The following FGF12 variants were observed in gnomAD, a reference collection of about 807,000 sequenced individuals.
FGF12 encodes fibroblast growth factor 12.
In FGF12, 14 loss-of-function variants were observed where a neutral mutation model predicts 23.6. The observed-to-expected ratio is 0.59, with a 90% CI of 0.39 to 0.93. The LOEUF is 0.93. FGF12 is among the 40% of genes least tolerant of loss of function. The pLI is 0.00. For synonymous variants in FGF12, 62 were observed against 77.3 expected, an observed-to-expected ratio of 0.80 and a Z score of 1.04; for missense variants, 175 against 217.8, an observed-to-expected ratio of 0.80 and a Z score of 1.24.
At chr3:192,424,818 C>A (rs1186250962) in intron 2 of FGF12, among the ~76,000 whole-genome samples, 1 of 152,048 alleles carries the variant, frequency 6.6e-6, no homozygotes, top group South Asian at 2.1e-4. Flanking sequence ...TCTTTGTTTA[C>A]CTATAATAAA....
In FGF12 at chr3:192,409,894, G is replaced by A. The variant is rs1370383233; in HGVS notation, c.14-49356C>T. Among the ~76,000 whole-genome samples the A allele has an allele frequency of 6.6e-6, 1 of 151,796 alleles. No individual in the cohort carries two copies. Among genetic ancestry groups the A allele is most frequent in the African/African-American group, 2.4e-5 (1 of 41,386 alleles). ...TGGCCGCTCAGAGCCGCGGGCTTGC[G>A]GGGCGCCCCCCGCCGCCGCGCCGCC... is the stretch of plus-strand genomic sequence containing the variant. On this transcript the variant is annotated intron_variant, in intron 2 of 5. Coordinates refer to ENST00000445105, the MANE Select transcript of FGF12 (RefSeq NM_004113.6). This position sits in a 1 kb window ranked among gnomAD's most constrained non-coding sequence, Gnocchi z 4.8.
chr3:192,447,532 C>A (rs1722390799), intron 2 of FGF12, among the ~76,000 whole-genome samples: 1 of 152,116 alleles, frequency 6.6e-6, no homozygotes, highest in African/African-American at 2.4e-5. Context: ...TTTTTTTCTA[C>A]AAATTTTCTA....
At chr3:192,147,496 T>C (rs1383425643) in intron 5 of FGF12, among the ~76,000 whole-genome samples, 1 of 152,186 alleles carries the variant, frequency 6.6e-6, no homozygotes, top group Non-Finnish European at 1.5e-5. Flanking sequence ...GCGTAAGTGT[T>C]CTCTAAAGTG....
intron 4 of FGF12, among the ~76,000 whole-genome samples, chr3:192,323,807 G>A (rs765843782): frequency 2.0e-5 from 3 of 152,050 alleles, no homozygotes; most frequent in Non-Finnish European, 4.4e-5. Context: ...AATATCTCAT[G>A]TGGCAGGGCA....
chr3:192,527,385 G>A (rs1724970201), intron 2 of FGF12, among the ~76,000 whole-genome samples: 1 of 152,162 alleles, frequency 6.6e-6, no homozygotes, highest in Non-Finnish European at 1.5e-5. Flanking sequence ...ACAAAGACCT[G>A]GGAGAAGAGG....
chr3:192,353,366 C>CTT (rs34992097), intron 3 of FGF12, among the ~76,000 whole-genome samples: 1,127 of 98,374 alleles, frequency 0.011, 57 homozygotes, highest in East Asian at 0.085. Flanking sequence ...GAGCAGAAGT[C>CTT]TTTTTTTTTT....
intron 4 of FGF12, among the ~76,000 whole-genome samples, chr3:192,218,951 T>C (rs1400916632): frequency 6.6e-6 from 1 of 152,252 alleles, no homozygotes; most frequent in East Asian, 1.9e-4. Flanking sequence ...CTGCCTATTG[T>C]GACCCCTAGC....
chr3:192,617,193 A>T (rs771532372), intron 2 of FGF12, among the ~76,000 whole-genome samples: 3 of 152,090 alleles, frequency 2.0e-5, no homozygotes, highest in Non-Finnish European at 4.4e-5. Flanking sequence ...ATTTCTAGGT[A>T]AGCTTTTAAA....
intron 2 of FGF12, among the ~76,000 whole-genome samples, chr3:192,565,190 T>C (rs980731464): frequency 2.0e-5 from 3 of 152,218 alleles, no homozygotes; most frequent in African/African-American, 4.8e-5. Flanking sequence ...AGAAATAAAC[T>C]GGCTTAAAGC....
At chr3:192,207,032 T>C (rs1482635509) in intron 4 of FGF12, among the ~76,000 whole-genome samples, 1 of 152,132 alleles carries the variant, frequency 6.6e-6, no homozygotes, top group Non-Finnish European at 1.5e-5. Flanking sequence ...GGAAAGATAT[T>C]ATATTGGGAA....
Position 192,408,452 on chromosome 3 carries a change from T to C in FGF12, c.14-47914A>G. 1 of 1,352,018 alleles carries C rather than the reference T, an allele frequency of 7.4e-7. No individual in the cohort carries two copies. The highest frequency in any genetic ancestry group is 9.5e-7 in the Non-Finnish European group (1 of 1,057,162). The allele number at this position is 1,352,018 out of a possible 1,614,324, so 83.8% of individuals were successfully genotyped here. On this transcript the variant is annotated intron_variant, in intron 2 of 5. Coordinates refer to ENST00000445105, the MANE Select transcript of FGF12 (RefSeq NM_004113.6). The surrounding 1 kb of genome is among the most constrained non-coding windows in gnomAD (Gnocchi z 7.3). ...TCCAGATGTAAACTTCCCCAACCTC[T>C]GGCGGCCGGGGGGCGGGGCGGGGCG...
intron 2 of FGF12, among the ~76,000 whole-genome samples, chr3:192,478,944 C>T (rs746489382): frequency 5.9e-5 from 9 of 152,116 alleles, no homozygotes; most frequent in Admixed American, 1.3e-4. Flanking sequence ...CTGCTCAGTC[C>T]ACTTTTCTGC....
intron 2 of FGF12, among the ~76,000 whole-genome samples, chr3:192,679,584 T>A: frequency 6.6e-6 from 1 of 151,490 alleles, no homozygotes; most frequent in Admixed American, 6.6e-5. Flanking sequence ...CCAACCTGGG[T>A]GACAGAGCAG....
intron 2 of FGF12, among the ~76,000 whole-genome samples, chr3:192,603,902 C>T (rs1255270360): frequency 6.6e-6 from 1 of 152,048 alleles, no homozygotes; most frequent in East Asian, 1.9e-4. Context: ...ATGGAGTTCC[C>T]CAATCCTAGT....
intron 2 of FGF12, among the ~76,000 whole-genome samples, chr3:192,685,448 CA>C (rs1485282292): frequency 2.6e-5 from 4 of 152,144 alleles, no homozygotes. Flanking sequence ...TGCTCACAAC[CA>C]AATAACAAAG....
intron 2 of FGF12, among the ~76,000 whole-genome samples, chr3:192,697,313 A>G (rs1718157197): frequency 2.0e-5 from 3 of 152,230 alleles, no homozygotes; most frequent in Admixed American, 2.0e-4. Flanking sequence ...TTTTGGAAAC[A>G]GAATAGAAAG....
chr3:192,551,725 G>A (rs1711535446), intron 2 of FGF12, among the ~76,000 whole-genome samples: 1 of 151,944 alleles, frequency 6.6e-6, no homozygotes. Flanking sequence ...TTAACCACTT[G>A]CCAGAATAAA....
intron 2 of FGF12, among the ~76,000 whole-genome samples, chr3:192,694,340 C>CAAAAAAAAAAAA (rs1489372672): frequency 1.3e-5 from 2 of 151,976 alleles, no homozygotes; most frequent in African/African-American, 4.8e-5. Context: ...ATGAAAGTTC[C>CAAAAAAAAAAAA]TCAAAAAATT....
chr3:192,632,989 C>T (rs1715444783), intron 2 of FGF12, among the ~76,000 whole-genome samples: 1 of 151,966 alleles, frequency 6.6e-6, no homozygotes, highest in South Asian at 2.1e-4. Context: ...TGCTTTCATC[C>T]CCACTTTGGC....
Sources: gnomAD v4.1 joint callset for allele counts (sites outside exome capture counted in the v4.1 genomes callset) on GRCh38, gnomAD v4.1.1 for gene constraint, Gnocchi (gnomAD v3.1) non-coding constraint, MANE v1.5 for transcripts, NCBI Gene and HGNC (gene_info 2026-07-23, HGNC 2026-07-21) for gene names.